Variants in TNIK observed in about 807,000 individuals in gnomAD.
TNIK encodes the protein TRAF2 and NCK-interacting protein kinase.
Under a neutral mutation model 191.3 loss-of-function variants are expected in TNIK, and 49 were observed. The observed-to-expected ratio is 0.26, with a 90% CI of 0.20 to 0.32. TNIK has a LOEUF of 0.32. Among genes scored for constraint, TNIK ranks in the 10% least tolerant of loss-of-function variants. The pLI, the probability that TNIK is intolerant of heterozygous loss-of-function variation, is 1.00. For synonymous variants in TNIK, 594 were observed against 600.9 expected, an observed-to-expected ratio of 0.99 and a Z score of 0.17; for missense variants, 1,155 against 1,702.3, an observed-to-expected ratio of 0.68 and a Z score of 5.66.
chr3:171,189,468 G>T (rs186820735), intron 6 of TNIK, among the ~76,000 whole-genome samples: 18 of 152,198 alleles, frequency 1.2e-4, no homozygotes, highest in African/African-American at 4.1e-4. Context: ...ACCAAAAATA[G>T]GTGTTAAAAA....
At chr3:171,086,752 G>A (rs1721408294) in intron 24 of TNIK, among the ~76,000 whole-genome samples, 1 of 152,186 alleles carries the variant, frequency 6.6e-6, no homozygotes, top group South Asian at 2.1e-4. Flanking sequence ...AGTCATCAGC[G>A]TCTATGGGCA....
At chr3:171,296,334 G>T (rs1462598826) in intron 2 of TNIK, among the ~76,000 whole-genome samples, 3 of 152,074 alleles carry the variant, frequency 2.0e-5, no homozygotes, top group Non-Finnish European at 4.4e-5. Flanking sequence ...CTAGTAAAAA[G>T]GGCACCTGAT....
chr3:171,137,890 T>C (rs1182621609), intron 15 of TNIK, among the ~76,000 whole-genome samples: 1 of 151,388 alleles, frequency 6.6e-6, no homozygotes, highest in Non-Finnish European at 1.5e-5. Flanking sequence ...ACAAATTCAA[T>C]TGGATGAGTA....
chr3:171,069,080 T>G, intron 29 of TNIK, 83 bp from the exon 30 acceptor site: 1 of 1,446,806 alleles, frequency 6.9e-7, no homozygotes. Flanking sequence ...TAGAGGAAGT[T>G]AACTTCTAAC....
At chr3:171,315,870 A>G (rs753267943) in intron 2 of TNIK, among the ~76,000 whole-genome samples, 21 of 152,132 alleles carry the variant, frequency 1.4e-4, no homozygotes, top group Non-Finnish European at 2.8e-4. Context: ...ACTTCATTAC[A>G]TCTGCAGAGA....
chr3:171,222,481 C>T (rs1742474238), intron 3 of TNIK, among the ~76,000 whole-genome samples: 1 of 152,094 alleles, frequency 6.6e-6, no homozygotes, highest in Non-Finnish European at 1.5e-5. Flanking sequence ...TGCCTATCGT[C>T]ATTATTATTA....
At chr3:171,141,304 TTAAG>T (rs1333094349) in intron 12 of TNIK, among the ~76,000 whole-genome samples, 2 of 152,146 alleles carry the variant, frequency 1.3e-5, no homozygotes, top group African/African-American at 2.4e-5. Context: ...TACGGAGAGA[TTAAG>T]TAATTGTTCA....
intron 1 of TNIK, among the ~76,000 whole-genome samples, chr3:171,435,677 G>A (rs1307165901): frequency 2.0e-5 from 3 of 152,144 alleles, no homozygotes; most frequent in African/African-American, 7.2e-5. Context: ...CTACTAATAT[G>A]TTGTATTAAT....
chr3:171,139,704 GT>G, intron 13 of TNIK, 148 bp from the exon 14 acceptor site: 1 of 686,384 alleles, frequency 1.5e-6, no homozygotes. Context: ...AGCAGGAAGA[GT>G]ATGTCACATG....
At chr3:171,092,381 CTG>C (rs1255595154) in intron 23 of TNIK, among the ~76,000 whole-genome samples, 1 of 152,216 alleles carries the variant, frequency 6.6e-6, no homozygotes, top group Non-Finnish European at 1.5e-5. Context: ...GGTATTGACT[CTG>C]TCATAAAGAC....
chr3:171,128,988 ATCAACTGAT>A (rs1266739621), intron 15 of TNIK, 110 bp from the exon 16 acceptor site: 81 of 1,410,824 alleles, frequency 5.7e-5, no homozygotes, highest in Middle Eastern at 1.9e-4. Context: ...GAATCCTCTG[ATCAACTGAT>A]TTTAAGAAGA....
At chr3:171,326,470 C>G (rs1755760806) in intron 2 of TNIK, among the ~76,000 whole-genome samples, 1 of 152,116 alleles carries the variant, frequency 6.6e-6, no homozygotes, top group Admixed American at 6.5e-5. Flanking sequence ...AAGAAAAAAA[C>G]TCCCACTGAG....
intron 29 of TNIK, 137 bp downstream of exon 29, chr3:171,071,086 C>T: frequency 1.8e-6 from 1 of 549,456 alleles, no homozygotes; most frequent in Non-Finnish European, 3.0e-6. Flanking sequence ...AACAATAAAC[C>T]CTAGAGTACC....
chr3:171,175,097 T>C (rs1735806434), intron 9 of TNIK, among the ~76,000 whole-genome samples, 155 bp downstream of exon 9: 2 of 152,244 alleles, frequency 1.3e-5, no homozygotes, highest in Non-Finnish European at 2.9e-5. Context: ...ATATATACTT[T>C]AAGATGAATG....
intron 1 of TNIK, among the ~76,000 whole-genome samples, chr3:171,448,569 C>CT (rs79607104): frequency 0.03 from 3,775 of 126,346 alleles, 169 homozygotes; most frequent in African/African-American, 0.081. Flanking sequence ...TTCATGTACA[C>CT]TTTTTTTTTT....
intron 2 of TNIK, among the ~76,000 whole-genome samples, chr3:171,290,721 A>G (rs1042272095): frequency 6.6e-6 from 1 of 152,196 alleles, no homozygotes; most frequent in African/African-American, 2.4e-5. Context: ...AAACTTCCAA[A>G]TCCTCATCAC....
intron 32 of TNIK, 134 bp from the exon 33 acceptor site, chr3:171,064,098 AT>A: frequency 1.3e-6 from 1 of 754,780 alleles, no homozygotes; most frequent in Non-Finnish European, 2.2e-6. Context: ...GCTTGTGTTT[AT>A]AAAGTCCCTT....
intron 2 of TNIK, among the ~76,000 whole-genome samples, chr3:171,332,897 G>T (rs75746237): frequency 0.015 from 2,300 of 152,274 alleles, 56 homozygotes; most frequent in East Asian, 0.062. Context: ...GACCCTATAA[G>T]TTACTTGAAA....
chr3:171,412,876 T>C (rs1722583811), intron 1 of TNIK, among the ~76,000 whole-genome samples: 1 of 152,230 alleles, frequency 6.6e-6, no homozygotes, highest in South Asian at 2.1e-4. Flanking sequence ...AACTATTTTT[T>C]TGTTATGCAG....
Sources: allele counts gnomAD v4.1 joint callset (sites outside exome capture counted in the v4.1 genomes callset), GRCh38; gene constraint gnomAD v4.1.1; transcripts MANE v1.5; gene names NCBI Gene and HGNC (gene_info 2026-07-23, HGNC 2026-07-21).